PDLIM7: variants seen among roughly 807,000 people sequenced by gnomAD.
PDLIM7 encodes the protein PDZ and LIM domain 7, also known as PDZ and LIM domain protein 7.
Under a neutral mutation model 53.9 loss-of-function variants are expected in PDLIM7, and 37 were observed. The observed-to-expected ratio is 0.69, with a 90% confidence interval of 0.53 to 0.90. The LOEUF (loss-of-function observed/expected upper bound fraction) is 0.90, where lower values mean the gene tolerates loss of function less well. PDLIM7 is among the 40% of genes least tolerant of loss of function. The probability of loss-of-function intolerance (pLI) is 0.00; values close to 1 mark genes in which losing one functional copy is unlikely to be tolerated. For synonymous variants in PDLIM7, 300 were observed against 261.3 expected, an observed-to-expected ratio of 1.15 and a Z score of -1.43; for missense variants, 617 against 638.5, an observed-to-expected ratio of 0.97 and a Z score of 0.36.
intron 10 of PDLIM7, among the ~76,000 whole-genome samples, chr5:177,487,695 C>A (rs1758531779): frequency 6.6e-6 from 1 of 152,222 alleles, no homozygotes; most frequent in African/African-American, 2.4e-5. Flanking sequence ...CTGGCTACTC[C>A]TGGCAGCCCT....
intron 4 of PDLIM7, chr5:177,492,176 G>C (rs879703480): frequency 6.4e-6 from 4 of 629,316 alleles, no homozygotes; most frequent in Admixed American, 3.0e-5. Context: ...CCGGCGGCGG[G>C]AGGCAGCAGG....
chr5:177,489,390 C>A lies in PDLIM7; in HGVS notation c.869+3G>T. The stretch of plus-strand genomic sequence containing the variant: ...CAGGGTCGGACAGGAACAGGCCACC[C>A]ACCGGATGACCTTGTGGCACTGGTG... On this transcript the variant is annotated splice_donor_region_variant and intron_variant, in intron 9 of 12. Transcript: ENST00000355841. 1 of 1,561,132 alleles carries A rather than the reference C, an allele frequency of 6.4e-7. No homozygotes were observed. Among genetic ancestry groups the A allele is most frequent in the South Asian group, 1.2e-5 (1 of 84,150 alleles).
chr5:177,493,530 G>A (rs979492149), intron 2 of PDLIM7, among the ~76,000 whole-genome samples: 9 of 152,248 alleles, frequency 5.9e-5, no homozygotes, highest in Non-Finnish European at 1.2e-4. Flanking sequence ...GCTGCCTAGC[G>A]GGTGAGAGTT....
chr5:177,491,398 A>G, intron 5 of PDLIM7: 1 of 1,550,920 alleles, frequency 6.4e-7, no homozygotes, highest in South Asian at 1.2e-5. Flanking sequence ...AGGGGGGCTC[A>G]CTGACTTGTC....
intron 2 of PDLIM7, chr5:177,492,952 G>A: frequency 2.1e-6 from 1 of 472,444 alleles, no homozygotes; most frequent in Non-Finnish European, 3.8e-6. Flanking sequence ...CAGTCACGAT[G>A]CTTATCTATT....
At position 177,490,893 on chromosome 5, in the gene PDLIM7, A is replaced by G. The variant is rs371479515; in HGVS notation, c.549T>C (p.Asp183=). 4 of 1,613,972 alleles carry G rather than the reference A, an allele frequency of 2.5e-6. No homozygotes were observed. In the African/African-American group the frequency reaches 5.3e-5, roughly 22 times the overall value. Reference sequence around the variant, plus strand: ...ACCTTGATTTCTTCAGGTGCTCCTCATCCGGGTCTTGCACTGAGAGGGCAG... The same window carrying G: ...ACCTTGATTTCTTCAGGTGCTCCTCGTCCGGGTCTTGCACTGAGAGGGCAG... ...LTGTEFMQDP[D]EEHLKKSSQV... The change falls in exon 7 of 13, where the codon GAT becomes GAC. Residue 183 remains aspartate (D), a synonymous_variant. Transcript: ENST00000355841.
Position 177,483,948 on chromosome 5 carries a change from G to C in PDLIM7, c.1206C>G (p.Gly402=). 6.2e-7 allele frequency: 1 copy of C among 1,613,962 alleles called. No homozygotes were observed. Among genetic ancestry groups the C allele is most frequent in the South Asian group, 1.1e-5 (1 of 91,088 alleles). The part of the protein sequence containing the change: ...YEKMFGTKCH[G]CDFKIDAGDR... ...CCCCAGCGTCGATCTTGAAGTCACAGCCATGGCATTTCGTGCCAAACATCT... is the reference window on the plus strand; with the variant it reads ...CCCCAGCGTCGATCTTGAAGTCACACCCATGGCATTTCGTGCCAAACATCT... Residue 402 remains glycine, a synonymous_variant, in exon 12 of 13, where the codon GGC becomes GGG. Coordinates refer to ENST00000355841, the MANE Select transcript of PDLIM7 (RefSeq NM_005451.5).
At chr5:177,489,701 A>C (rs894119716) in intron 8 of PDLIM7, 70 bp downstream of exon 8, 1 of 1,484,640 alleles carries the variant, frequency 6.7e-7, no homozygotes, top group South Asian at 1.3e-5. Flanking sequence ...GGCAGCTGAG[A>C]GAAGCCCACC....
chr5:177,496,439 T>C lies in PDLIM7; in HGVS notation c.74A>G (p.Asn25Ser), dbSNP rs372976882. Residue 25 changes from asparagine to serine, a missense_variant, in exon 2 of 13, where the codon AAT becomes AGT. Coordinates refer to ENST00000355841, the MANE Select transcript of PDLIM7 (RefSeq NM_005451.5). ...CACCCGGGAAATGGAGAGGGGCACA[T>C]TGAAGTCCTTGCCCCCTTGCAGCCG... ...GFRLQGGKDF[N>S]VPLSISRLTP... is the part of the protein sequence containing the mutation. 3.2e-5 allele frequency: 52 copies of C among 1,600,160 alleles called. No homozygotes were observed. Among genetic ancestry groups the C allele is most frequent in the African/African-American group, 1.1e-4 (8 of 74,282 alleles).
intron 9 of PDLIM7, among the ~76,000 whole-genome samples, 197 bp downstream of exon 9, chr5:177,489,196 C>T (rs892351901): frequency 2.6e-5 from 4 of 152,224 alleles, no homozygotes; most frequent in Admixed American, 2.0e-4. Flanking sequence ...ATGCTGCTAG[C>T]AGTTGTTGTG....
chr5:177,490,339 CCCAGGTGGGCGGCCAGGG>C (rs1196610383), intron 7 of PDLIM7: 1 of 1,451,804 alleles, frequency 6.9e-7, no homozygotes, highest in East Asian at 2.5e-5. Flanking sequence ...GTCAGATGAA[CCCAGGTGGGCGGCCAGGG>C]CCAGGCCAGC....
intron 2 of PDLIM7, among the ~76,000 whole-genome samples, chr5:177,495,712 C>T (rs1759038194): frequency 6.6e-6 from 1 of 152,130 alleles, no homozygotes; most frequent in Non-Finnish European, 1.5e-5. Context: ...AATCCCCCTG[C>T]TACAGGGAGG....
chr5:177,490,550 G>A, intron 7 of PDLIM7: 1 of 1,565,616 alleles, frequency 6.4e-7, no homozygotes, highest in Non-Finnish European at 8.7e-7. Flanking sequence ...CAGTCCCGGA[G>A]GCGGGTGTAG....
rs146029262 is a variant in PDLIM7, at chr5:177,494,268, C to T, written c.97-1591G>A. Among the ~76,000 whole-genome samples, 97 of 152,360 alleles carry T rather than the reference C, an allele frequency of 6.4e-4. No homozygotes were observed. The East Asian group carries it at 0.018, about 28-fold the overall frequency. On this transcript the variant is annotated intron_variant, in intron 2 of 12. Transcript: ENST00000355841. ...AGGAAGTGTCTCTGACCCTAAGGCT[C>T]CACCACTGTGGGCCACCTCTGCTGA...
At chr5:177,489,702 G>C in intron 8 of PDLIM7, 69 bp downstream of exon 8, 1 of 1,484,624 alleles carries the variant, frequency 6.7e-7, no homozygotes, top group Non-Finnish European at 8.9e-7. Flanking sequence ...GCAGCTGAGA[G>C]AAGCCCACCA....
Position 177,484,155 on chromosome 5 carries a change from C to T in PDLIM7, c.1086G>A (p.Val362=), listed in dbSNP as rs28367007. Reference sequence around the variant, plus strand: ...TGCAGGCAGCACAGGTAAAGCAGTGCACGTGCCAGGTCATCTTCAGGGCGT... The same window carrying T: ...TGCAGGCAGCACAGGTAAAGCAGTGTACGTGCCAGGTCATCTTCAGGGCGT... ...IMHALKMTWH[V]HCFTCAACKT... Residue 362 remains valine, a synonymous_variant, in exon 11 of 13, where the codon GTG becomes GTA. Coordinates refer to ENST00000355841, the MANE Select transcript of PDLIM7 (RefSeq NM_005451.5). 1.2e-6 allele frequency: 2 copies of T among 1,613,786 alleles called. No homozygotes were observed. The highest frequency in any genetic ancestry group is 1.3e-5 in the African/African-American group (1 of 74,908).
intron 1 of PDLIM7, among the ~76,000 whole-genome samples, chr5:177,497,226 TG>T (rs1263671204): frequency 6.6e-6 from 1 of 151,560 alleles, no homozygotes; most frequent in Non-Finnish European, 1.5e-5. Flanking sequence ...CCGAGCCCAG[TG>T]GGGGGTGGTG....
In PDLIM7 at chr5:177,483,579, T is replaced by C; in HGVS notation, c.*65A>G. ...AACCATTGCCAGCCCTACCCAGAAA[T>C]GCAGGGCCACGACTCCAGGCCCCTC... On this transcript the variant is annotated 3_prime_UTR_variant, in exon 13 of 13. Coordinates refer to ENST00000355841, the MANE Select transcript of PDLIM7 (RefSeq NM_005451.5). 1 of 1,233,054 alleles carries C rather than the reference T, an allele frequency of 8.1e-7. No individual in the cohort carries two copies. The highest frequency in any genetic ancestry group is 1.2e-6 in the Non-Finnish European group (1 of 856,322). The allele number at this position is 1,233,054 out of a possible 1,614,324, so 76.4% of individuals were successfully genotyped here.
At position 177,490,753 on chromosome 5, in the gene PDLIM7, GGAAGGAAGGA is replaced by G. The variant is rs1176222408; in HGVS notation, c.572+107_572+116del. ...AGGAAGGAAGGAAGGAAGGAAGGAA[GGAAGGAAGGA>G]AGGGAGAATTGAGAGCCCCAGCTGG... On this transcript the variant is annotated intron_variant, in intron 7 of 12. Transcript: ENST00000355841. 5,953 of 1,030,444 alleles carry G rather than the reference GGAAGGAAGGA, an allele frequency of 5.8e-3. 161 individuals are homozygous for G. Among genetic ancestry groups the G allele is most frequent in the South Asian group, 6.1e-3 (469 of 76,660 alleles). The allele number at this position is 1,030,444 out of a possible 1,614,324, so 63.8% of individuals were successfully genotyped here.
Sources: allele counts gnomAD v4.1 joint callset (sites outside exome capture counted in the v4.1 genomes callset), GRCh38; gene constraint gnomAD v4.1.1; transcripts MANE v1.5; gene names NCBI Gene and HGNC (gene_info 2026-07-23, HGNC 2026-07-21).